The following RABGAP1L variants were observed in gnomAD, a reference collection of about 807,000 sequenced individuals.
The protein encoded by RABGAP1L is RAB GTPase activating protein 1 like, also known as rab GTPase-activating protein 1-like.
A neutral mutation model predicts 137.7 loss-of-function variants in RABGAP1L; 63 were observed. That is an observed-to-expected ratio of 0.46 (90% confidence interval 0.37 to 0.56). RABGAP1L has a LOEUF of 0.56. RABGAP1L is among the 20% of genes least tolerant of loss of function. The probability of loss-of-function intolerance (pLI) is 0.00; values close to 1 mark genes in which losing one functional copy is unlikely to be tolerated. For missense variants in RABGAP1L, 1,095 were observed against 1,244.0 expected (o/e 0.88, Z 1.80); for synonymous variants, 431 against 433.7 (o/e 0.99, Z 0.08).
At position 174,643,910 on chromosome 1, in the gene RABGAP1L, T is replaced by G. The variant is rs546844502; in HGVS notation, c.1824+6422T>G. On this transcript the variant is annotated intron_variant, in intron 14 of 25. Coordinates refer to ENST00000681986, the MANE Select transcript of RABGAP1L (RefSeq NM_001366446.1). ...ACCCAAAGTTGAAAAACTTCACTTA[T>G]ATAGGGGTGTGTGTGTGTGTGTGTG... is the stretch of plus-strand genomic sequence containing the variant. Among the ~76,000 whole-genome samples, 17 of 137,340 alleles carry G rather than the reference T, an allele frequency of 1.2e-4. No individual in the cohort carries two copies. The South Asian group carries it at 1.6e-3, about 13-fold the overall frequency. 90.1% of individuals were successfully genotyped at this position (137,340 alleles called of 152,430 possible). A position where few individuals can be genotyped will look rare whatever the true frequency, so the allele number is the denominator to read the frequency against.
intron 12 of RABGAP1L, among the ~76,000 whole-genome samples, chr1:174,385,572 T>C (rs1186049321): frequency 6.6e-6 from 1 of 152,150 alleles, no homozygotes; most frequent in African/African-American, 2.4e-5. Context: ...GAAGACATCA[T>C]CCGAAGACAT....
chr1:174,349,205 G>A (rs1398387082), intron 11 of RABGAP1L, among the ~76,000 whole-genome samples: 3 of 132,294 alleles, frequency 2.3e-5, no homozygotes, highest in Non-Finnish European at 1.6e-5. Context: ...CCTCCCGGAC[G>A]GGGCGGCTGG....
At chr1:174,471,620 C>T (rs1000099576) in intron 13 of RABGAP1L, among the ~76,000 whole-genome samples, 6 of 152,174 alleles carry the variant, frequency 3.9e-5, no homozygotes, top group African/African-American at 1.4e-4. Flanking sequence ...TAGCTATTGG[C>T]TCTGAAGTAG....
At chr1:174,493,270 G>A (rs1257360718) in intron 13 of RABGAP1L, among the ~76,000 whole-genome samples, 5 of 150,670 alleles carry the variant, frequency 3.3e-5, no homozygotes, top group Non-Finnish European at 7.4e-5. Flanking sequence ...ACTGAGGTGG[G>A]GAGGTGCTTG....
At chr1:174,217,210 G>A (rs1194153949) in intron 1 of RABGAP1L, among the ~76,000 whole-genome samples, 2 of 152,114 alleles carry the variant, frequency 1.3e-5, no homozygotes, top group South Asian at 2.1e-4. Flanking sequence ...ATGGCAAATC[G>A]GGACTGGAAA....
chr1:174,751,888 C>G, intron 17 of RABGAP1L, among the ~76,000 whole-genome samples: 1 of 152,086 alleles, frequency 6.6e-6, no homozygotes, highest in East Asian at 1.9e-4. Context: ...ATCAGCAACA[C>G]TGCCTTGTTT....
At chr1:174,202,709 G>C (rs1668216311) in intron 1 of RABGAP1L, among the ~76,000 whole-genome samples, 1 of 152,154 alleles carries the variant, frequency 6.6e-6, no homozygotes, top group Non-Finnish European at 1.5e-5. Context: ...CTGTGTTTTA[G>C]ACATGAAGTC....
At chr1:174,768,067 A>G (rs1229861842) in intron 18 of RABGAP1L, among the ~76,000 whole-genome samples, 1 of 152,248 alleles carries the variant, frequency 6.6e-6, no homozygotes, top group Non-Finnish European at 1.5e-5. Context: ...GTACAATTCA[A>G]GATGAGATTT....
At chr1:174,788,685 C>T (rs1687635126) in intron 18 of RABGAP1L, among the ~76,000 whole-genome samples, 1 of 152,134 alleles carries the variant, frequency 6.6e-6, no homozygotes, top group Admixed American at 6.6e-5. Context: ...CATAATTTGG[C>T]CTCAGATGTA....
intron 10 of RABGAP1L, among the ~76,000 whole-genome samples, chr1:174,290,691 A>C (rs1027617985): frequency 2.0e-5 from 3 of 151,706 alleles, no homozygotes; most frequent in Non-Finnish European, 4.4e-5. Context: ...TTTAGAATAC[A>C]TAAAGACTTG....
rs759749267 is a variant in RABGAP1L at position 174,652,177 on chromosome 1, A to G, written c.1824+14689A>G. ...TGAATATCGGCCCCCACTCTCTTCT[A>G]GCTTGTAGACTTTCTGCCGAGAGAT... On this transcript the variant is annotated intron_variant, in intron 14 of 25. Coordinates refer to ENST00000681986, the MANE Select transcript of RABGAP1L (RefSeq NM_001366446.1). Among the ~76,000 whole-genome samples the G allele has an allele frequency of 3.9e-5, 6 of 152,156 alleles. No homozygotes were observed. The East Asian group carries it at 1.2e-3, about 29-fold the overall frequency.
At chr1:174,557,093 G>T (rs924081104) in intron 13 of RABGAP1L, among the ~76,000 whole-genome samples, 1 of 152,208 alleles carries the variant, frequency 6.6e-6, no homozygotes, top group Non-Finnish European at 1.5e-5. Flanking sequence ...GGAAAGGTCA[G>T]CCCGACTGGC....
At chr1:174,394,548 A>G (rs1647576816) in intron 13 of RABGAP1L, among the ~76,000 whole-genome samples, 1 of 152,044 alleles carries the variant, frequency 6.6e-6, no homozygotes, top group South Asian at 2.1e-4. Flanking sequence ...TGCTTATGTC[A>G]CCTTACATTT....
chr1:174,396,594 T>C (rs1167641960), intron 13 of RABGAP1L, among the ~76,000 whole-genome samples: 1 of 152,062 alleles, frequency 6.6e-6, no homozygotes, highest in Non-Finnish European at 1.5e-5. Flanking sequence ...TTGTAAATAA[T>C]AAACTAAATT....
chr1:174,702,068 C>T (rs762995902), intron 16 of RABGAP1L, 45 bp from the exon 17 acceptor site: 2 of 1,576,096 alleles, frequency 1.3e-6, no homozygotes, highest in African/African-American at 2.7e-5. Flanking sequence ...CATTGTTCTG[C>T]TGCAAGCTTC....
intron 12 of RABGAP1L, among the ~76,000 whole-genome samples, chr1:174,375,326 AAG>A (rs1204039418): frequency 6.6e-6 from 1 of 152,018 alleles, no homozygotes; most frequent in East Asian, 1.9e-4. Flanking sequence ...ACTAGGAAAA[AAG>A]AGAAAAACCC....
At chr1:174,604,383 T>C (rs116763143) in intron 13 of RABGAP1L, among the ~76,000 whole-genome samples, 415 of 152,330 alleles carry the variant, frequency 2.7e-3, no homozygotes, top group Non-Finnish European at 4.1e-3. Flanking sequence ...CTATCACACA[T>C]ACTGTCTCTC....
At chr1:174,801,200 G>A (rs1558092303) in intron 18 of RABGAP1L, among the ~76,000 whole-genome samples, 2 of 152,122 alleles carry the variant, frequency 1.3e-5, no homozygotes, top group South Asian at 4.1e-4. Flanking sequence ...ACTATACCTA[G>A]CAACTATTCT....
intron 13 of RABGAP1L, among the ~76,000 whole-genome samples, chr1:174,437,460 A>C (rs1212641689): frequency 6.6e-6 from 1 of 152,232 alleles, no homozygotes. Flanking sequence ...ACTGGAAGAA[A>C]GGGTATCAGC....
Sources: gnomAD v4.1 joint callset for allele counts (sites outside exome capture counted in the v4.1 genomes callset) on GRCh38, gnomAD v4.1.1 for gene constraint, MANE v1.5 for transcripts, NCBI Gene and HGNC (gene_info 2026-07-23, HGNC 2026-07-21) for gene names.